Variants in SMG1 observed in about 807,000 individuals in gnomAD.
The protein encoded by SMG1 is serine/threonine-protein kinase SMG1.
Under a neutral mutation model 419.9 loss-of-function variants are expected in SMG1, and 22 were observed. That is an observed-to-expected ratio of 0.05 (90% CI 0.04 to 0.07). The LOEUF (loss-of-function observed/expected upper bound fraction) is 0.07. Among genes scored for constraint, SMG1 ranks in the 10% least tolerant of loss-of-function variants. The pLI, the probability that SMG1 is intolerant of heterozygous loss-of-function variation, is 1.00. For synonymous variants in SMG1, 1,538 were observed against 1,553.5 expected, an observed-to-expected ratio of 0.99 and a Z score of 0.23; for missense variants, 3,185 against 4,342.0, an observed-to-expected ratio of 0.73 and a Z score of 7.49.
chr16:18,856,642 C>G (rs1393822911), intron 29 of SMG1: 2 of 152,116 alleles, frequency 1.3e-5, no homozygotes, highest in African/African-American at 4.8e-5. Context: ...CCAGCCCACA[C>G]CCGGGTGATT....
rs148468415 is a variant in SMG1 at position 18,874,866 on chromosome 16, C to CA, written c.1890+1257dup. Among the ~76,000 whole-genome samples, 38 of 49,654 alleles carry CA rather than the reference C, an allele frequency of 7.7e-4. 2 individuals carry two copies. Among genetic ancestry groups the CA allele is most frequent in the East Asian group, 4.6e-3 (6 of 1,298 alleles). 32.6% of individuals were successfully genotyped at this position (49,654 alleles called of 152,430 possible). A position where few individuals can be genotyped will look rare whatever the true frequency, so the allele number is the denominator to read the frequency against. ...AGGCGACAACAGCATGACTCTGTCT[C>CA]AAAAAAAAAAAAAAAAAAAAAAAAA... On this transcript the variant is annotated intron_variant, in intron 13 of 62. Coordinates refer to ENST00000446231, the MANE Select transcript of SMG1 (RefSeq NM_015092.5).
At chr16:18,811,411 G>T (rs2031385950) in intron 62 of SMG1, among the ~76,000 whole-genome samples, 1 of 152,114 alleles carries the variant, frequency 6.6e-6, no homozygotes, top group African/African-American at 2.4e-5. Flanking sequence ...TCTAATTAGG[G>T]ATGCTCCACT....
rs771780853 is a variant in SMG1 at position 18,876,309 on chromosome 16, A to G, written c.1705T>C (p.Leu569=). ...PVLETAYKLI[L]GEMTCALNNL... is the part of the protein sequence containing the mutation. ...TTTAGGGCACAAGTCATTTCTCCCA[A>G]TATTAACTTATAGGCAGTCTCCAAA... The change falls in exon 13 of 63, where the codon TTG becomes CTG. Residue 569 remains leucine (L), a synonymous_variant. Transcript: ENST00000446231. The G allele has an allele frequency of 1.9e-6, 3 of 1,611,786 alleles. No homozygotes were observed. Among genetic ancestry groups the G allele is most frequent in the East Asian group, 2.2e-5 (1 of 44,856 alleles).
intron 55 of SMG1, among the ~76,000 whole-genome samples, chr16:18,827,092 T>C (rs1211760943): frequency 6.6e-6 from 1 of 152,148 alleles, no homozygotes; most frequent in African/African-American, 2.4e-5. Flanking sequence ...GTTCAAAATA[T>C]ACCTGTTACT....
chr16:18,883,953 T>C (rs2036514077), intron 9 of SMG1, 117 bp downstream of exon 9: 3 of 440,566 alleles, frequency 6.8e-6, no homozygotes, highest in Non-Finnish European at 1.2e-5. Flanking sequence ...AATATTGCAA[T>C]GGGCATGTAA....
At chr16:18,915,878 G>C (rs1221782680) in intron 1 of SMG1, among the ~76,000 whole-genome samples, 1 of 151,484 alleles carries the variant, frequency 6.6e-6, no homozygotes, top group Non-Finnish European at 1.5e-5. Context: ...AGACCAGCCT[G>C]GCCAACATGG....
rs1042700173 is a variant in SMG1 at position 18,832,826 on chromosome 16, T to A, written c.8792+114A>T. 4.6e-6 allele frequency: 4 copies of A among 861,446 alleles called. No individual in the cohort carries two copies. In the African/African-American group the frequency reaches 6.8e-5, roughly 15 times the overall value. The allele number at this position is 861,446 out of a possible 1,614,324, so 53.4% of individuals were successfully genotyped here. A position where few individuals can be genotyped will look rare whatever the true frequency, so the allele number is the denominator to read the frequency against. On this transcript the variant is annotated intron_variant, in intron 51 of 62. Transcript: ENST00000446231. ...AGATACGTGTATGAGCATTTATAAG[T>A]AATTATACCTGCTCTAAAAACTAAA...
intron 41 of SMG1, 55 bp from the exon 42 acceptor site, chr16:18,840,001 AAG>A: frequency 1.4e-6 from 2 of 1,383,182 alleles, no homozygotes; most frequent in Admixed American, 2.5e-5. Context: ...TATAAGGAAA[AAG>A]AGTGCCTTTT....
At position 18,849,980 on chromosome 16, in the gene SMG1, G is replaced by A; in HGVS notation, c.5430C>T (p.Gly1810=). ...ATGGTGCAGTGGGTGTTGTCTCCAA[G>A]CCGTGCTCCAGATACTGCCGAAGCT... ...AGELRQYLEH[G]LETTPTAPWR... The change falls in exon 35 of 63, where the codon GGC becomes GGT. Residue 1810 remains glycine (G), a synonymous_variant. Transcript: ENST00000446231. The A allele has an allele frequency of 6.2e-7, 1 of 1,613,958 alleles. No individual in the cohort carries two copies. The highest frequency in any genetic ancestry group is 8.5e-7 in the Non-Finnish European group (1 of 1,179,890).
At chr16:18,838,751 G>A in intron 42 of SMG1, 62 bp from the exon 43 acceptor site, 1 of 1,040,270 alleles carries the variant, frequency 9.6e-7, no homozygotes, top group Non-Finnish European at 1.4e-6. Context: ...CTCCAACATG[G>A]ACGTGATACT....
chr16:18,875,410 G>C (rs1358778254), intron 13 of SMG1: 1 of 152,334 alleles, frequency 6.6e-6, no homozygotes, highest in African/African-American at 2.4e-5. Flanking sequence ...GGCTAACATG[G>C]TGAAAACCCA....
chr16:18,865,567 AC>A (rs1207054234), intron 23 of SMG1, among the ~76,000 whole-genome samples: 3 of 152,136 alleles, frequency 2.0e-5, no homozygotes, highest in Non-Finnish European at 4.4e-5. Context: ...ATCAGAAACA[AC>A]CTTAATGCCC....
At chr16:18,922,281 T>C (rs1049775716) in intron 1 of SMG1, among the ~76,000 whole-genome samples, 2 of 152,188 alleles carry the variant, frequency 1.3e-5, no homozygotes, top group African/African-American at 4.8e-5. Flanking sequence ...AGGTCATTTT[T>C]TTAGGGAAGA....
intron 1 of SMG1, among the ~76,000 whole-genome samples, chr16:18,899,375 A>C (rs371664049): frequency 2.6e-5 from 4 of 151,384 alleles, no homozygotes; most frequent in African/African-American, 7.3e-5. Flanking sequence ...GAAATATAAC[A>C]AAAAAAAACT....
At chr16:18,850,537 A>T in intron 33 of SMG1, 70 bp from the exon 34 acceptor site, 1 of 1,080,630 alleles carries the variant, frequency 9.3e-7, no homozygotes, top group Non-Finnish European at 1.3e-6. Flanking sequence ...ATGTAATTTG[A>T]CTATCATAAA....
intron 40 of SMG1, 82 bp downstream of exon 40, chr16:18,842,126 C>G: frequency 7.0e-7 from 1 of 1,424,072 alleles, no homozygotes; most frequent in Non-Finnish European, 9.5e-7. Flanking sequence ...GAAATAATCT[C>G]CTACTATACA....
chr16:18,890,585 G>A (rs771019611), intron 5 of SMG1, among the ~76,000 whole-genome samples: 4 of 152,234 alleles, frequency 2.6e-5, no homozygotes, highest in African/African-American at 7.2e-5. Flanking sequence ...GAGAGGTGGA[G>A]GTTGCAGTGA....
rs201648060 is a variant in SMG1 at position 18,852,048 on chromosome 16, A to T, written c.5052+19T>A. The T allele has an allele frequency of 6.3e-6, 10 of 1,593,268 alleles. No individual in the cohort carries two copies. The East Asian group carries it at 1.6e-4, about 25-fold the overall frequency. ...GATTTGGAGTAGCAATCTTGCCCCA[A>T]GCACCATGTTTTCCTTGCCTGAATC... On this transcript the variant is annotated intron_variant, in intron 33 of 62. Coordinates refer to ENST00000446231, the MANE Select transcript of SMG1 (RefSeq NM_015092.5).
At chr16:18,864,182 AC>A in intron 23 of SMG1, 38 bp from the exon 24 acceptor site, 2 of 1,035,512 alleles carry the variant, frequency 1.9e-6, no homozygotes, top group South Asian at 2.1e-5. Flanking sequence ...TTATTTATCT[AC>A]TTACTTTTTT....
Sources: allele counts gnomAD v4.1 joint callset (sites outside exome capture counted in the v4.1 genomes callset), GRCh38; gene constraint gnomAD v4.1.1; transcripts MANE v1.5; gene names NCBI Gene and HGNC (gene_info 2026-07-23, HGNC 2026-07-21).